Variants in ANKS1A observed in about 807,000 individuals in gnomAD.
ANKS1A encodes ankyrin repeat and SAM domain-containing protein 1A.
A neutral mutation model predicts 120.3 loss-of-function variants in ANKS1A; 55 were observed. The observed-to-expected ratio is 0.46, with a 90% CI of 0.37 to 0.57. ANKS1A has a LOEUF of 0.57. ANKS1A is among the 20% of genes least tolerant of loss of function. The probability of loss-of-function intolerance (pLI) is 0.00; values close to 1 mark genes in which losing one functional copy is unlikely to be tolerated. For synonymous variants in ANKS1A, 590 were observed against 604.7 expected (o/e 0.98, Z 0.36); for missense variants, 1,123 against 1,480.3 (o/e 0.76, Z 3.96).
intron 11 of ANKS1A, among the ~76,000 whole-genome samples, chr6:35,033,754 T>C (rs1044476933): frequency 6.6e-6 from 1 of 152,204 alleles, no homozygotes; most frequent in Non-Finnish European, 1.5e-5. Flanking sequence ...CAGAGATTGA[T>C]CTCAATGAAG....
At chr6:34,937,859 G>T (rs1037334262) in intron 1 of ANKS1A, among the ~76,000 whole-genome samples, 21 of 152,096 alleles carry the variant, frequency 1.4e-4, no homozygotes, top group African/African-American at 5.1e-4. Context: ...AACTTATTAG[G>T]ACAAAATCAG....
intron 11 of ANKS1A, among the ~76,000 whole-genome samples, chr6:35,024,142 C>T (rs993330567): frequency 9.2e-5 from 14 of 152,190 alleles, no homozygotes; most frequent in Non-Finnish European, 1.8e-4. Flanking sequence ...ATCAAGCTGG[C>T]AGTGTCCTCA....
intron 1 of ANKS1A, among the ~76,000 whole-genome samples, chr6:34,940,043 AG>A (rs1769451250): frequency 6.6e-6 from 1 of 152,112 alleles, no homozygotes; most frequent in African/African-American, 2.4e-5. Context: ...TCATTTCCAG[AG>A]TTGGTTTCTC....
At position 34,939,059 on chromosome 6, in the gene ANKS1A, T is replaced by TACTTGACTG. The variant is rs368517654; in HGVS notation, c.198-28179_198-28171dup. Among the ~76,000 whole-genome samples, 507 of 152,338 alleles carry TACTTGACTG rather than the reference T, an allele frequency of 3.3e-3. 3 individuals carry two copies. Among genetic ancestry groups the TACTTGACTG allele is most frequent in the African/African-American group, 7.0e-3 (290 of 41,582 alleles). On this transcript the variant is annotated intron_variant, in intron 1 of 23. Transcript: ENST00000360359. ...ATAAGTAGTTGCAAAATTGGAGTAT[T>TACTTGACTG]ACTTGACTGTCCTAATAATTATGAA...
At chr6:35,025,862 C>T (rs371306762) in intron 11 of ANKS1A, among the ~76,000 whole-genome samples, 3 of 152,170 alleles carry the variant, frequency 2.0e-5, no homozygotes, top group East Asian at 1.9e-4. Flanking sequence ...TCGTGGTATC[C>T]GCAGGCCACC....
intron 1 of ANKS1A, among the ~76,000 whole-genome samples, chr6:34,939,275 C>A (rs1222639155): frequency 2.0e-5 from 3 of 152,120 alleles, no homozygotes; most frequent in Non-Finnish European, 4.4e-5. Flanking sequence ...AGAATGCACA[C>A]CTCCTGTGGA....
In ANKS1A at chr6:35,079,842, G is replaced by A. The variant is rs1324989549; in HGVS notation, c.2458G>A (p.Gly820Ser). The A allele has an allele frequency of 5.1e-6, 8 of 1,575,012 alleles. No individual in the cohort carries two copies. Among genetic ancestry groups the A allele is most frequent in the South Asian group, 1.2e-5 (1 of 86,294 alleles). ...LVNVLKVQLLGHRKRIIASLA... is the reference protein window; with the variant it reads ...LVNVLKVQLLSHRKRIIASLA... ...CCAGGTCCTGAAGGTCCAGCTGCTC[G>A]GCCATCGCAAGCGCATCATCGCCTC... Residue 820 changes from glycine (G) to serine (S), a missense_variant, in exon 16 of 24, where the codon GGC becomes AGC. Physicochemically the swap from Gly to Ser is moderately conservative, Grantham distance 56. Coordinates refer to ENST00000360359, the MANE Select transcript of ANKS1A (RefSeq NM_015245.3).
At chr6:34,909,554 A>G (rs1380319158) in intron 1 of ANKS1A, among the ~76,000 whole-genome samples, 1 of 152,222 alleles carries the variant, frequency 6.6e-6, no homozygotes, top group Non-Finnish European at 1.5e-5. Context: ...TTTAGAACCA[A>G]AAGATAATGG....
rs1778201505 is a variant in ANKS1A, at chr6:35,089,733, G to A, written c.*1124G>A. ...TGCTTCTTAAGCTTTCCTGCTGCTC[G>A]CTTTGTTTTTAAAAGTAACTTGGGT... On this transcript the variant is annotated 3_prime_UTR_variant, in exon 24 of 24. Transcript: ENST00000360359. 7.0e-6 allele frequency: 7 copies of A among 995,598 alleles called. No homozygotes were observed. The South Asian group carries it at 1.8e-4, about 26-fold the overall frequency. 61.7% of individuals were successfully genotyped at this position (995,598 alleles called of 1,614,324 possible).
intron 11 of ANKS1A, among the ~76,000 whole-genome samples, chr6:35,024,069 A>G (rs1313100797): frequency 2.0e-5 from 3 of 152,234 alleles, no homozygotes; most frequent in Admixed American, 2.0e-4. Flanking sequence ...TAACAAAATT[A>G]AAAATCCAAA....
rs749174839 is a variant in ANKS1A at position 34,989,206 on chromosome 6, T to C, written c.1210-18T>C. On this transcript the variant is annotated intron_variant, in intron 8 of 23. Transcript: ENST00000360359. ...TAAAAAAGAGATCGCAAAATATTTA[T>C]TTTTTTCTCTTCTGCAGAGGGAACG... is the stretch of plus-strand genomic sequence containing the variant. 1.2e-5 allele frequency: 19 copies of C among 1,607,790 alleles called. No homozygotes were observed. The highest frequency in any genetic ancestry group is 1.6e-5 in the Non-Finnish European group (19 of 1,177,830).
chr6:35,012,104 C>T (rs900216427), intron 10 of ANKS1A, among the ~76,000 whole-genome samples: 1 of 152,152 alleles, frequency 6.6e-6, no homozygotes, highest in East Asian at 1.9e-4. Flanking sequence ...CTGGTAGGGA[C>T]TATAGAGAGG....
chr6:35,051,158 C>T (rs763786596), intron 11 of ANKS1A, among the ~76,000 whole-genome samples: 5 of 151,950 alleles, frequency 3.3e-5, no homozygotes, highest in African/African-American at 7.3e-5. Context: ...TGCGCCACTG[C>T]ACTCCAGCCT....
At chr6:34,959,229 C>T (rs1363581360) in intron 1 of ANKS1A, among the ~76,000 whole-genome samples, 3 of 152,180 alleles carry the variant, frequency 2.0e-5, no homozygotes, top group Non-Finnish European at 4.4e-5. Context: ...ATCTCAGATG[C>T]AGTGTTCTTG....
At chr6:35,048,611 C>T (rs1227168954) in intron 11 of ANKS1A, among the ~76,000 whole-genome samples, 1 of 152,162 alleles carries the variant, frequency 6.6e-6, no homozygotes, top group African/African-American at 2.4e-5. Flanking sequence ...AAAAATCACC[C>T]AGACCCTGGC....
intron 1 of ANKS1A, among the ~76,000 whole-genome samples, chr6:34,911,481 G>T (rs948273518): frequency 1.3e-5 from 2 of 152,122 alleles, no homozygotes; most frequent in African/African-American, 4.8e-5. Context: ...ACTGGCAGGG[G>T]TATTATTTAG....
At chr6:34,892,782 A>G (rs1292561011) in intron 1 of ANKS1A, among the ~76,000 whole-genome samples, 35 of 152,188 alleles carry the variant, frequency 2.3e-4, no homozygotes, top group Non-Finnish European at 1.5e-5. Context: ...TTGCTTGCCT[A>G]GCTTTCACAG....
intron 11 of ANKS1A, among the ~76,000 whole-genome samples, chr6:35,019,373 G>A (rs1253161198): frequency 6.6e-6 from 1 of 152,210 alleles, no homozygotes; most frequent in Non-Finnish European, 1.5e-5. Flanking sequence ...TTGGGTAGGT[G>A]CTGGAAAGTT....
At chr6:34,984,045 C>T (rs1351003385) in intron 7 of ANKS1A, among the ~76,000 whole-genome samples, 1 of 152,184 alleles carries the variant, frequency 6.6e-6, no homozygotes, top group Non-Finnish European at 1.5e-5. Context: ...TTGCCTGCCT[C>T]AGCTTCCCAA....
Sources: allele counts gnomAD v4.1 joint callset (sites outside exome capture counted in the v4.1 genomes callset), GRCh38; gene constraint gnomAD v4.1.1; transcripts MANE v1.5; gene names NCBI Gene and HGNC (gene_info 2026-07-23, HGNC 2026-07-21).